Variants in SLC1A2 observed in about 807,000 individuals in gnomAD.
The protein encoded by SLC1A2 is solute carrier family 1 member 2, also known as excitatory amino acid transporter 2.
A neutral mutation model predicts 48.8 loss-of-function variants in SLC1A2; 15 were observed. The ratio of observed to expected loss-of-function variants is 0.31; its 90% CI spans 0.21 to 0.47. SLC1A2 has a LOEUF of 0.47. SLC1A2 is among the 20% of genes least tolerant of loss of function. The pLI, the probability that SLC1A2 is intolerant of heterozygous loss-of-function variation, is 0.99. For synonymous variants in SLC1A2, 279 were observed against 272.6 expected (o/e 1.02, Z -0.23); for missense variants, 502 against 730.5 (o/e 0.69, Z 3.61).
rs1855706324 is a variant in SLC1A2 at position 35,419,202 on chromosome 11, G to A, written c.-236C>T. 2.2e-6 allele frequency: 1 copy of A among 446,262 alleles called. No homozygotes were observed. 27.6% of individuals were successfully genotyped at this position (446,262 alleles called of 1,614,324 possible). On this transcript the variant is annotated 5_prime_UTR_variant, in exon 1 of 11. Coordinates refer to ENST00000278379, the MANE Select transcript of SLC1A2 (RefSeq NM_004171.4). The surrounding 1 kb of genome is among the most constrained non-coding windows in gnomAD (Gnocchi z 5.4). ...CGGCGCGCGACCCGCGCTCCCCTCC[G>A]CCCGCGGGGATGGCGCTTGGCGGGG... is the stretch of plus-strand genomic sequence containing the variant.
chr11:35,318,738 A>G (rs1215701297), intron 1 of SLC1A2, among the ~76,000 whole-genome samples: 2 of 152,200 alleles, frequency 1.3e-5, no homozygotes, highest in Non-Finnish European at 2.9e-5. Context: ...TTAAACAAAA[A>G]TATGCTAGCA....
intron 1 of SLC1A2, among the ~76,000 whole-genome samples, chr11:35,360,874 TTTA>T (rs1264250391): frequency 5.3e-5 from 8 of 152,122 alleles, no homozygotes; most frequent in African/African-American, 1.2e-4. Flanking sequence ...TGTTTATTTA[TTTA>T]TTATTATTTT....
intron 1 of SLC1A2, among the ~76,000 whole-genome samples, chr11:35,323,947 G>A (rs1450822384): frequency 6.6e-6 from 1 of 152,096 alleles, no homozygotes; most frequent in Admixed American, 6.5e-5. Flanking sequence ...CAATGCCTTG[G>A]GAACACAGTC....
intron 1 of SLC1A2, among the ~76,000 whole-genome samples, chr11:35,407,216 T>C (rs1307101831): frequency 6.6e-6 from 1 of 152,178 alleles, no homozygotes; most frequent in Non-Finnish European, 1.5e-5. Flanking sequence ...GTTGATCATG[T>C]GGACTTGACC....
chr11:35,292,439 C>G lies in SLC1A2; in HGVS notation c.939G>C (p.Leu313=), dbSNP rs1417805623. The change falls in exon 7 of 11, where the codon CTG becomes CTC. Residue 313 remains leucine, a synonymous_variant. Coordinates refer to ENST00000278379, the MANE Select transcript of SLC1A2 (RefSeq NM_004171.4). Reference sequence around the variant, plus strand: ...TGATCACTGTTACCATGTACATCCCCAGTTGCCTAGCAACCACTTCTAAGT... The same window carrying G: ...TGATCACTGTTACCATGTACATCCCGAGTTGCCTAGCAACCACTTCTAAGT... ...IKDLEVVARQ[L]GMYMVTVIIG... is the part of the protein sequence containing the mutation. 1.2e-6 allele frequency: 2 copies of G among 1,613,814 alleles called. No individual in the cohort carries two copies. The highest frequency in any genetic ancestry group is 1.7e-6 in the Non-Finnish European group (2 of 1,179,878).
intron 1 of SLC1A2, among the ~76,000 whole-genome samples, chr11:35,339,667 T>G (rs1852767852): frequency 6.6e-6 from 1 of 152,060 alleles, no homozygotes; most frequent in South Asian, 2.1e-4. Context: ...TGAGCATAAG[T>G]TGGATGGGCA....
At chr11:35,342,913 G>A (rs747359778) in intron 1 of SLC1A2, among the ~76,000 whole-genome samples, 6 of 152,196 alleles carry the variant, frequency 3.9e-5, no homozygotes, top group Non-Finnish European at 7.3e-5. Flanking sequence ...TCACACTCAA[G>A]TTCATGTGTC....
intron 3 of SLC1A2, among the ~76,000 whole-genome samples, chr11:35,314,065 T>C (rs1364129021): frequency 6.6e-6 from 1 of 152,208 alleles, no homozygotes; most frequent in Non-Finnish European, 1.5e-5. Context: ...AGCAATATTA[T>C]TTGGTAAGGA....
At chr11:35,361,485 G>A (rs1192364477) in intron 1 of SLC1A2, among the ~76,000 whole-genome samples, 1 of 152,136 alleles carries the variant, frequency 6.6e-6, no homozygotes, top group African/African-American at 2.4e-5. Flanking sequence ...TCTGTGTCCA[G>A]GCTGGCCTCC....
chr11:35,301,681 T>A (rs1461086402), intron 5 of SLC1A2, 36 bp from the exon 6 acceptor site: 3 of 1,602,444 alleles, frequency 1.9e-6, no homozygotes, highest in Admixed American at 1.7e-5. Flanking sequence ...AAGGACAAAT[T>A]ACAAAAAATG....
intron 1 of SLC1A2, among the ~76,000 whole-genome samples, chr11:35,396,742 A>G (rs1854973026): frequency 6.6e-6 from 1 of 152,164 alleles, no homozygotes; most frequent in Non-Finnish European, 1.5e-5. Context: ...TTGGACATGA[A>G]GTCCTTGCCC....
rs1051562382 is a variant in SLC1A2 at position 35,294,982 on chromosome 11, G to A, written c.858-2462C>T. Among the ~76,000 whole-genome samples the A allele has an allele frequency of 5.3e-5, 8 of 152,130 alleles. No individual in the cohort carries two copies. The East Asian group carries it at 9.6e-4, about 18-fold the overall frequency. On this transcript the variant is annotated intron_variant, in intron 6 of 10. Coordinates refer to ENST00000278379, the MANE Select transcript of SLC1A2 (RefSeq NM_004171.4). ...GCATTAAGTAGAAGAAGGTAAGAACGTTTGTTCTATGAAGTCTTTCAGGGC... is the reference window on the plus strand; with the variant it reads ...GCATTAAGTAGAAGAAGGTAAGAACATTTGTTCTATGAAGTCTTTCAGGGC...
intron 9 of SLC1A2, among the ~76,000 whole-genome samples, chr11:35,272,419 C>A (rs1395728149): frequency 6.6e-6 from 1 of 152,196 alleles, no homozygotes; most frequent in Admixed American, 6.5e-5. Flanking sequence ...ACAAGGCATT[C>A]TGGGAAGATT....
intron 1 of SLC1A2, among the ~76,000 whole-genome samples, chr11:35,357,359 A>G (rs1853515279): frequency 6.6e-6 from 1 of 152,226 alleles, no homozygotes; most frequent in Non-Finnish European, 1.5e-5. Context: ...CTTAAATTAG[A>G]CAGGAGTGGG....
chr11:35,307,219 GC>G (rs11344053), intron 4 of SLC1A2: 105,477 of 152,096 alleles, frequency 0.69, 37,062 homozygotes, highest in East Asian at 0.92. Context: ...TCCTTCTAGA[GC>G]CAGGCTCAGC....
At chr11:35,280,177 T>C (rs567173662) in intron 9 of SLC1A2, among the ~76,000 whole-genome samples, 17 of 152,270 alleles carry the variant, frequency 1.1e-4, no homozygotes, top group African/African-American at 3.6e-4. Flanking sequence ...TCTTTTTTTT[T>C]CTTAGGCAGA....
chr11:35,398,800 G>T (rs142168807), intron 1 of SLC1A2, among the ~76,000 whole-genome samples: 1,733 of 152,252 alleles, frequency 0.011, 16 homozygotes, highest in Non-Finnish European at 0.015. Flanking sequence ...TTAAGTAAAG[G>T]CTACTCAAAT....
chr11:35,346,547 T>C (rs1414301741), intron 1 of SLC1A2, among the ~76,000 whole-genome samples: 1 of 152,212 alleles, frequency 6.6e-6, no homozygotes, highest in Non-Finnish European at 1.5e-5. Context: ...GGCAGAGACA[T>C]GACCTATAAA....
At chr11:35,336,319 T>G (rs1565254831) in intron 1 of SLC1A2, among the ~76,000 whole-genome samples, 2 of 151,826 alleles carry the variant, frequency 1.3e-5, no homozygotes, top group Admixed American at 1.3e-4. Context: ...ACCCCACAAC[T>G]AAAATTAAAA....
Sources: gnomAD v4.1 joint callset for allele counts (sites outside exome capture counted in the v4.1 genomes callset) on GRCh38, gnomAD v4.1.1 for gene constraint, Gnocchi (gnomAD v3.1) non-coding constraint, MANE v1.5 for transcripts, NCBI Gene and HGNC (gene_info 2026-07-23, HGNC 2026-07-21) for gene names.